The following IMPG2 variants were observed in gnomAD, a reference collection of about 807,000 sequenced individuals.
IMPG2 encodes interphotoreceptor matrix proteoglycan 2.
IMPG2 carries 91 observed loss-of-function variants against 129.2 expected under a neutral mutation model. The ratio of observed to expected loss-of-function variants is 0.70; its 90% confidence interval spans 0.59 to 0.84. The LOEUF is 0.84. Among genes scored for constraint, IMPG2 ranks in the 40% least tolerant of loss-of-function variants. The pLI, the probability that IMPG2 is intolerant of heterozygous loss-of-function variation, is 0.00. For synonymous variants in IMPG2, 510 were observed against 517.7 expected (o/e 0.99, Z 0.20); for missense variants, 1,430 against 1,461.7 (o/e 0.98, Z 0.35).
At chr3:101,229,320 G>GGGCCCCCC in intron 17 of IMPG2, 60 bp downstream of exon 17, 1 of 519,344 alleles carries the variant, frequency 1.9e-6, no homozygotes, top group Non-Finnish European at 3.0e-6. Context: ...ACCACCCCCT[G>GGGCCCCCC]CTCCCCCACA....
intron 6 of IMPG2, among the ~76,000 whole-genome samples, chr3:101,274,833 A>T (rs1345307235): frequency 2.0e-5 from 3 of 152,164 alleles, no homozygotes; most frequent in Admixed American, 6.5e-5. Flanking sequence ...AATATTTGCT[A>T]GCACCATCTA....
In IMPG2 at chr3:101,223,383, A is replaced by T. The variant is rs1706185925; in HGVS notation, c.*3586T>A. The T allele has an allele frequency of 6.6e-6, 1 of 152,218 alleles. No homozygotes were observed. Among genetic ancestry groups the T allele is most frequent in the Non-Finnish European group, 1.5e-5 (1 of 68,040 alleles). 9.4% of individuals were successfully genotyped at this position (152,218 alleles called of 1,614,324 possible). On this transcript the variant is annotated 3_prime_UTR_variant, in exon 19 of 19. Coordinates refer to ENST00000193391, the MANE Select transcript of IMPG2 (RefSeq NM_016247.4). ...TTTGTGTTTTTGTTTTTTTGCTAAAACATCTCAATTTAATAGTTATTCTAC... is the reference window on the plus strand; with the variant it reads ...TTTGTGTTTTTGTTTTTTTGCTAAATCATCTCAATTTAATAGTTATTCTAC...
In IMPG2 at chr3:101,246,112, G is replaced by T; in HGVS notation, c.1240-7C>A. The T allele has an allele frequency of 6.2e-7, 1 of 1,605,398 alleles. No homozygotes were observed. The highest frequency in any genetic ancestry group is 8.5e-7 in the Non-Finnish European group (1 of 1,177,256). On this transcript the variant is annotated splice_polypyrimidine_tract_variant and splice_region_variant and intron_variant, in intron 11 of 18. Coordinates refer to ENST00000193391, the MANE Select transcript of IMPG2 (RefSeq NM_016247.4). ...CAGCTTGAAAGGTATTATCCTGGGG[G>T]GAAAAAAAGGCTAAATCATATCATA...
At chr3:101,231,281 T>C (rs1559639205) in intron 15 of IMPG2, 136 bp from the exon 16 acceptor site, 20 of 826,616 alleles carry the variant, frequency 2.4e-5, no homozygotes, top group South Asian at 1.4e-4. Context: ...AAGAGTTGAA[T>C]AGACAGATTA....
chr3:101,273,495 T>C, intron 7 of IMPG2, 86 bp downstream of exon 7: 1 of 1,420,668 alleles, frequency 7.0e-7, no homozygotes, highest in Admixed American at 1.8e-5. Context: ...ATTTGAAACC[T>C]AAACCTATCT....
chr3:101,319,802 T>A lies in IMPG2; in HGVS notation c.116A>T (p.Gln39Leu). ...AQTYLSIEEI[Q>L]EPKSAVSFLL... ...AAAAGAAACTGCACTCTTGGGTTCT[T>A]GGATCTCCTCTATAGATAAGTAGGT... The change falls in exon 2 of 19, where the codon CAA becomes CTA. Residue 39 changes from glutamine to leucine, a missense_variant. Coordinates refer to ENST00000193391, the MANE Select transcript of IMPG2 (RefSeq NM_016247.4). 1 of 1,613,006 alleles carries A rather than the reference T, an allele frequency of 6.2e-7. No homozygotes were observed. Among genetic ancestry groups the A allele is most frequent in the African/African-American group, 1.3e-5 (1 of 75,008 alleles).
At chr3:101,290,835 G>A (rs1706999194) in intron 4 of IMPG2, among the ~76,000 whole-genome samples, 1 of 152,082 alleles carries the variant, frequency 6.6e-6, no homozygotes, top group Non-Finnish European at 1.5e-5. Context: ...TCTGAACTAT[G>A]ACCTGGATTG....
chr3:101,262,780 A>AAC (rs1559648212), intron 9 of IMPG2, among the ~76,000 whole-genome samples: 3 of 151,698 alleles, frequency 2.0e-5, no homozygotes, highest in Non-Finnish European at 4.4e-5. Flanking sequence ...CAAAAAAAAA[A>AAC]AAACAAACTA....
At chr3:101,309,279 C>T (rs1361137961) in intron 2 of IMPG2, among the ~76,000 whole-genome samples, 1 of 152,182 alleles carries the variant, frequency 6.6e-6, no homozygotes, top group Non-Finnish European at 1.5e-5. Flanking sequence ...TGCCCTACTC[C>T]TTGGTACCAA....
intron 5 of IMPG2, among the ~76,000 whole-genome samples, 167 bp from the exon 6 acceptor site, chr3:101,275,912 T>A (rs1265241851): frequency 6.6e-6 from 1 of 152,170 alleles, no homozygotes; most frequent in Admixed American, 6.5e-5. Context: ...TATGGAGCCT[T>A]CTCAGAACAA....
chr3:101,246,244 G>A, intron 11 of IMPG2, 139 bp from the exon 12 acceptor site: 1 of 729,742 alleles, frequency 1.4e-6, no homozygotes. Flanking sequence ...AGGAGTAGGA[G>A]GAGACATGGG....
chr3:101,256,197 G>GAAAGAAAGAAAGAAAGA (rs1559646426), intron 10 of IMPG2, among the ~76,000 whole-genome samples: 2 of 148,498 alleles, frequency 1.3e-5, no homozygotes, highest in African/African-American at 5.0e-5. Context: ...AAGAAAGAAA[G>GAAAGAAAGAAAGAAAGA]AAAGAAAGAA....
chr3:101,277,766 A>G (rs1473960191), intron 4 of IMPG2, among the ~76,000 whole-genome samples: 1 of 152,228 alleles, frequency 6.6e-6, no homozygotes, highest in Non-Finnish European at 1.5e-5. Flanking sequence ...AGGTTTCCAC[A>G]AGTCCATATT....
At chr3:101,299,747 C>T (rs1223870086) in intron 3 of IMPG2, among the ~76,000 whole-genome samples, 1 of 152,138 alleles carries the variant, frequency 6.6e-6, no homozygotes, top group Non-Finnish European at 1.5e-5. Flanking sequence ...CTCGAGGAGG[C>T]TGGAGAACAG....
intron 4 of IMPG2, among the ~76,000 whole-genome samples, chr3:101,285,652 T>G (rs1010040033): frequency 1.3e-5 from 2 of 152,176 alleles, no homozygotes; most frequent in African/African-American, 4.8e-5. Flanking sequence ...CATGGAGAAG[T>G]CTGTCTAATA....
chr3:101,254,103 T>C (rs1164058753), intron 10 of IMPG2, among the ~76,000 whole-genome samples: 1 of 152,110 alleles, frequency 6.6e-6, no homozygotes, highest in African/African-American at 2.4e-5. Flanking sequence ...TATTTTTAAA[T>C]TAATTTTTAA....
intron 11 of IMPG2, among the ~76,000 whole-genome samples, chr3:101,250,544 TCAAGGA>T (rs1706532712): frequency 6.6e-6 from 1 of 152,096 alleles, no homozygotes; most frequent in South Asian, 2.1e-4. Context: ...AGTGAAATGC[TCAAGGA>T]CACACAAAAA....
intron 2 of IMPG2, among the ~76,000 whole-genome samples, chr3:101,308,089 G>A (rs575083659): frequency 1.3e-5 from 2 of 152,208 alleles, no homozygotes; most frequent in Non-Finnish European, 2.9e-5. Context: ...CCACAGTCTT[G>A]GGCAGCTCCA....
intron 2 of IMPG2, among the ~76,000 whole-genome samples, chr3:101,307,328 A>G (rs974529732): frequency 6.6e-6 from 1 of 152,250 alleles, no homozygotes; most frequent in African/African-American, 2.4e-5. Flanking sequence ...TGTTTCTTAT[A>G]TAACAAAATA....
Sources: gnomAD v4.1 joint callset for allele counts (sites outside exome capture counted in the v4.1 genomes callset) on GRCh38, gnomAD v4.1.1 for gene constraint, MANE v1.5 for transcripts, NCBI Gene and HGNC (gene_info 2026-07-23, HGNC 2026-07-21) for gene names.